JAK2: variants seen among roughly 807,000 people sequenced by gnomAD.
JAK2 encodes the protein Janus kinase 2.
In JAK2, 86 loss-of-function variants were observed where a neutral mutation model predicts 139.3. The ratio of observed to expected loss-of-function variants is 0.62; its 90% confidence interval spans 0.52 to 0.74. The LOEUF is 0.74. Among genes scored for constraint, JAK2 ranks in the 30% least tolerant of loss-of-function variants. The probability of loss-of-function intolerance (pLI) is 0.00; values close to 1 mark genes in which losing one functional copy is unlikely to be tolerated. For missense variants in JAK2, 1,421 were observed against 1,360.3 expected, an observed-to-expected ratio of 1.04 and a Z score of -0.70; for synonymous variants, 490 against 437.7, an observed-to-expected ratio of 1.12 and a Z score of -1.49.
chr9:5,054,539 C>T lies in JAK2; in HGVS notation c.615-24C>T, dbSNP rs139712756. On this transcript the variant is annotated intron_variant, in intron 6 of 24. Coordinates refer to ENST00000381652, the MANE Select transcript of JAK2 (RefSeq NM_004972.4). This position sits in a 1 kb window ranked among gnomAD's most constrained non-coding sequence, Gnocchi z 4.9. ...CCAATTTTTGTTTTGTTTTGTTTTTCTGTATGTGCTTTTTTATCCCTAGCT... is the reference window on the plus strand; with the variant it reads ...CCAATTTTTGTTTTGTTTTGTTTTTTTGTATGTGCTTTTTTATCCCTAGCT... 76 of 1,518,688 alleles carry T rather than the reference C, an allele frequency of 5.0e-5. No homozygotes were observed. In the Admixed American group the frequency reaches 1.5e-3, roughly 30 times the overall value. 94.1% of individuals were successfully genotyped at this position (1,518,688 alleles called of 1,614,324 possible). A position where few individuals can be genotyped will look rare whatever the true frequency, so the allele number is the denominator to read the frequency against.
chr9:5,127,277 T>C lies in JAK2; in HGVS notation c.*486T>C, dbSNP rs751294740. 25 of 232,422 alleles carry C rather than the reference T, an allele frequency of 1.1e-4. No individual in the cohort carries two copies. The highest frequency in any genetic ancestry group is 1.7e-4 in the Non-Finnish European group (20 of 117,232). The allele number at this position is 232,422 out of a possible 1,614,324, so 14.4% of individuals were successfully genotyped here. On this transcript the variant is annotated 3_prime_UTR_variant, in exon 25 of 25. Coordinates refer to ENST00000381652, the MANE Select transcript of JAK2 (RefSeq NM_004972.4). The stretch of plus-strand genomic sequence containing the variant: ...TTTTCCATAGTTAATCTATAATTAA[T>C]TACTTCACTATACAAACAAATTAAG...
intron 8 of JAK2, among the ~76,000 whole-genome samples, chr9:5,062,356 G>GT (rs1563967012): frequency 6.6e-6 from 1 of 151,866 alleles, no homozygotes; most frequent in Admixed American, 6.6e-5. Context: ...ACAAATCACC[G>GT]TAACAGGTAT....
chr9:5,002,194 TCAC>T (rs1820965292), intron 2 of JAK2, among the ~76,000 whole-genome samples: 2 of 151,974 alleles, frequency 1.3e-5, no homozygotes, highest in African/African-American at 4.8e-5. Context: ...TATTCTTTCT[TCAC>T]TCTCTGGTTT....
intron 22 of JAK2, chr9:5,114,788 G>A: frequency 3.2e-6 from 1 of 313,852 alleles, no homozygotes; most frequent in Non-Finnish European, 6.3e-6. Context: ...AGTAACTGTT[G>A]TCTGTAAATC....
chr9:5,090,757 A>G lies in JAK2; in HGVS notation c.2905A>G (p.Thr969Ala). ...QICKGMEYLGTKRYIHRDLAT... is the reference protein window; with the variant it reads ...QICKGMEYLGAKRYIHRDLAT... ...TCCATAGGGTATGGAGTATCTTGGTACAAAAAGGTATATCCACAGGGATCT... is the reference window on the plus strand; with the variant it reads ...TCCATAGGGTATGGAGTATCTTGGTGCAAAAAGGTATATCCACAGGGATCT... The change falls in exon 22 of 25, where the codon ACA (threonine) becomes GCA (alanine). Residue 969 changes from threonine to alanine, a missense_variant. Physicochemically the swap from Thr to Ala is moderately conservative, Grantham distance 58. Transcript: ENST00000381652. 6.2e-7 allele frequency: 1 copy of G among 1,604,336 alleles called. No homozygotes were observed. The highest frequency in any genetic ancestry group is 8.5e-7 in the Non-Finnish European group (1 of 1,177,520).
chr9:4,987,498 G>T (rs1172489554), intron 2 of JAK2, among the ~76,000 whole-genome samples: 3 of 152,134 alleles, frequency 2.0e-5, no homozygotes, highest in Non-Finnish European at 4.4e-5. Flanking sequence ...CACTTTGGGA[G>T]GCTGAGGAAG....
chr9:5,067,217 A>T (rs964238118), intron 10 of JAK2, among the ~76,000 whole-genome samples: 2 of 150,498 alleles, frequency 1.3e-5, no homozygotes, highest in Non-Finnish European at 2.9e-5. Context: ...TAGGTCAATA[A>T]CAAACAAATA....
chr9:5,084,250 G>T (rs1279323663), intron 19 of JAK2, among the ~76,000 whole-genome samples: 1 of 152,026 alleles, frequency 6.6e-6, no homozygotes, highest in African/African-American at 2.4e-5. Flanking sequence ...ATTTTAATGT[G>T]GATATTTCCT....
chr9:5,078,480 G>C (rs1038973827), intron 16 of JAK2, 36 bp downstream of exon 16: 15 of 1,550,874 alleles, frequency 9.7e-6, no homozygotes, highest in Non-Finnish European at 1.3e-5. Flanking sequence ...ATGTTACTAA[G>C]CTTTACTTGG....
chr9:5,012,428 C>G (rs1345724099), intron 2 of JAK2, among the ~76,000 whole-genome samples: 2 of 152,034 alleles, frequency 1.3e-5, no homozygotes, highest in Admixed American at 1.3e-4. Context: ...GTAGTATAAA[C>G]TACTCTCTCA....
intron 22 of JAK2, among the ~76,000 whole-genome samples, chr9:5,120,384 G>T (rs1354305268): frequency 6.6e-6 from 1 of 152,182 alleles, no homozygotes; most frequent in African/African-American, 2.4e-5. Context: ...AAGTCTGAAA[G>T]AACTCAATTT....
rs187857846 is a variant in JAK2 at position 5,083,931 on chromosome 9, T to G, written c.2571+2070T>G. Reference sequence around the variant, plus strand: ...CATTCTATATATACAATTCTATATCTTGCTATTTTTCATATATCAAGATTT... The same window carrying G: ...CATTCTATATATACAATTCTATATCGTGCTATTTTTCATATATCAAGATTT... On this transcript the variant is annotated intron_variant, in intron 19 of 24. Transcript: ENST00000381652. Among the ~76,000 whole-genome samples the G allele has an allele frequency of 1.4e-3, 214 of 152,274 alleles. 3 individuals carry two copies. Among genetic ancestry groups the G allele is most frequent in the Non-Finnish European group, 2.5e-4 (17 of 67,970 alleles).
rs1422678517 is a variant in JAK2 at position 5,022,033 on chromosome 9, A to G, written c.46A>G (p.Thr16Ala). ...LTMTEMEGTS[T>A]SSIYQNGDIS... Reference sequence around the variant, plus strand: ...GATGACAGAAATGGAGGGAACATCCACCTCTTCTATATATCAGAATGGTGA... The same window carrying G: ...GATGACAGAAATGGAGGGAACATCCGCCTCTTCTATATATCAGAATGGTGA... Residue 16 changes from threonine (T) to alanine (A), a missense_variant, in exon 3 of 25, where the codon ACC (threonine) becomes GCC (alanine). Coordinates refer to ENST00000381652, the MANE Select transcript of JAK2 (RefSeq NM_004972.4). 6.2e-7 allele frequency: 1 copy of G among 1,614,004 alleles called. No individual in the cohort carries two copies. The highest frequency in any genetic ancestry group is 1.1e-5 in the South Asian group (1 of 91,082).
rs1200370849 is a variant in JAK2, at chr9:5,035,488, A to T, written c.350+5582A>T. ...ACATTGATGCAAAAATCCTCAACAA[A>T]ATACTGGCAAACCGAATCCAGCAGC... On this transcript the variant is annotated intron_variant, in intron 4 of 24. Transcript: ENST00000381652. Among the ~76,000 whole-genome samples, 9 of 152,328 alleles carry T rather than the reference A, an allele frequency of 5.9e-5. No homozygotes were observed. The East Asian group carries it at 1.7e-3, about 29-fold the overall frequency.
intron 22 of JAK2, among the ~76,000 whole-genome samples, chr9:5,093,937 A>C (rs372752735): frequency 1.3e-5 from 2 of 152,150 alleles, no homozygotes; most frequent in South Asian, 4.1e-4. Flanking sequence ...GACAAGAGAA[A>C]TACGGCCCAC....
At chr9:5,014,568 A>G (rs1821924094) in intron 2 of JAK2, among the ~76,000 whole-genome samples, 1 of 152,198 alleles carries the variant, frequency 6.6e-6, no homozygotes, top group Non-Finnish European at 1.5e-5. Flanking sequence ...TGGTTGGAGC[A>G]GGGACTGATG....
intron 4 of JAK2, among the ~76,000 whole-genome samples, chr9:5,038,509 A>G (rs1160188654): frequency 1.3e-5 from 2 of 152,182 alleles, no homozygotes; most frequent in Non-Finnish European, 2.9e-5. Context: ...TAGAAAATCA[A>G]CAAAATACTT....
At chr9:5,087,806 C>T (rs1820249688) in intron 19 of JAK2, among the ~76,000 whole-genome samples, 1 of 152,142 alleles carries the variant, frequency 6.6e-6, no homozygotes, top group African/African-American at 2.4e-5. Flanking sequence ...ATTAAGTATC[C>T]TTAATAGAGA....
intron 22 of JAK2, among the ~76,000 whole-genome samples, chr9:5,103,602 A>G (rs193255380): frequency 6.6e-6 from 1 of 152,266 alleles, no homozygotes; most frequent in Admixed American, 6.5e-5. Context: ...CTCCACCCCA[A>G]ATCAACAGAA....
Sources: gnomAD v4.1 joint callset for allele counts (sites outside exome capture counted in the v4.1 genomes callset) on GRCh38, gnomAD v4.1.1 for gene constraint, Gnocchi (gnomAD v3.1) non-coding constraint, MANE v1.5 for transcripts, NCBI Gene and HGNC (gene_info 2026-07-23, HGNC 2026-07-21) for gene names.